Variants in ANGPT1 observed in about 807,000 individuals in gnomAD.
ANGPT1 encodes angiopoietin 1.
ANGPT1 carries 17 observed loss-of-function variants against 62.2 expected under a neutral mutation model. The ratio of observed to expected loss-of-function variants is 0.27; its 90% CI spans 0.19 to 0.41. The LOEUF (loss-of-function observed/expected upper bound fraction) is 0.41, where lower values mean the gene tolerates loss of function less well. Ranked by LOEUF, ANGPT1 falls within the 10% of genes least tolerant of loss-of-function variation. ANGPT1 has a pLI of 1.00. For synonymous variants in ANGPT1, 199 were observed against 198.9 expected (o/e 1.00, Z 0.00); for missense variants, 478 against 594.9 (o/e 0.80, Z 2.04).
intron 1 of ANGPT1, among the ~76,000 whole-genome samples, chr8:107,492,729 G>A (rs562478794): frequency 3.3e-5 from 5 of 150,154 alleles, no homozygotes; most frequent in Non-Finnish European, 5.9e-5. Context: ...AGCCACCACC[G>A]GCCACCAAAA....
chr8:107,367,517 C>T (rs1816301387), intron 1 of ANGPT1, among the ~76,000 whole-genome samples: 1 of 152,010 alleles, frequency 6.6e-6, no homozygotes. Context: ...TTGACTGTTC[C>T]TTTCACTAAA....
chr8:107,396,157 C>T (rs956596346), intron 1 of ANGPT1, among the ~76,000 whole-genome samples: 4 of 152,162 alleles, frequency 2.6e-5, no homozygotes, highest in Non-Finnish European at 4.4e-5. Context: ...CAACTAGTAG[C>T]TAAGGCTCTT....
intron 1 of ANGPT1, among the ~76,000 whole-genome samples, chr8:107,412,670 T>G (rs1447422491): frequency 6.6e-6 from 1 of 152,116 alleles, no homozygotes; most frequent in African/African-American, 2.4e-5. Flanking sequence ...ATGAGCAAGA[T>G]GAATACATCC....
chr8:107,316,139 T>C (rs1815008435), intron 4 of ANGPT1, among the ~76,000 whole-genome samples: 2 of 152,200 alleles, frequency 1.3e-5, no homozygotes, highest in African/African-American at 4.8e-5. Flanking sequence ...TAGGAAGTCA[T>C]TATTTCTTGC....
At chr8:107,327,162 C>G (rs1395701549) in intron 3 of ANGPT1, among the ~76,000 whole-genome samples, 1 of 152,084 alleles carries the variant, frequency 6.6e-6, no homozygotes, top group Admixed American at 6.6e-5. Flanking sequence ...CTAGAATTTT[C>G]TTAAATACTA....
intron 1 of ANGPT1, among the ~76,000 whole-genome samples, chr8:107,452,291 A>T (rs1811797766): frequency 6.6e-6 from 1 of 151,680 alleles, no homozygotes; most frequent in Non-Finnish European, 1.5e-5. Context: ...CATATCCTTT[A>T]TAATTAGGAT....
chr8:107,264,330 A>G lies in ANGPT1; in HGVS notation c.1227T>C (p.Thr409=). Residue 409 remains threonine, a synonymous_variant, in exon 8 of 9, where the codon ACT becomes ACC. Transcript: ENST00000517746. ...QNYRLYLKGH[T]GTAGKQSSLI... ...GGCTGCTCTGTTTTCCTGCTGTCCC[A>G]GTGTGACCTTTTAAATACAACCTGA... 1 of 1,613,872 alleles carries G rather than the reference A, an allele frequency of 6.2e-7. No individual in the cohort carries two copies. The highest frequency in any genetic ancestry group is 8.5e-7 in the Non-Finnish European group (1 of 1,179,860).
intron 6 of ANGPT1, among the ~76,000 whole-genome samples, chr8:107,289,886 T>G (rs915516913): frequency 1.4e-4 from 22 of 152,146 alleles, no homozygotes; most frequent in Non-Finnish European, 2.5e-4. Flanking sequence ...GCGTTTTATA[T>G]GTGAAAGTAC....
intron 4 of ANGPT1, among the ~76,000 whole-genome samples, chr8:107,315,540 C>A (rs1343267846): frequency 1.3e-5 from 2 of 152,074 alleles, no homozygotes; most frequent in Non-Finnish European, 2.9e-5. Flanking sequence ...TGCTTACTTG[C>A]CACTGAAAAG....
At chr8:107,418,581 G>A (rs1328061160) in intron 1 of ANGPT1, among the ~76,000 whole-genome samples, 1 of 152,148 alleles carries the variant, frequency 6.6e-6, no homozygotes, top group African/African-American at 2.4e-5. Flanking sequence ...TGCAATATTT[G>A]CTGATATATG....
chr8:107,280,105 T>C (rs564816403), intron 7 of ANGPT1, among the ~76,000 whole-genome samples: 4 of 152,122 alleles, frequency 2.6e-5, no homozygotes, highest in African/African-American at 4.8e-5. Flanking sequence ...TTGCCCCAAA[T>C]TGGGGCAAGA....
At chr8:107,461,898 AT>A (rs1353944646) in intron 1 of ANGPT1, among the ~76,000 whole-genome samples, 5 of 152,188 alleles carry the variant, frequency 3.3e-5, no homozygotes, top group African/African-American at 4.8e-5. Flanking sequence ...TATTATTATC[AT>A]TATTTCTTAT....
chr8:107,373,460 GCA>G (rs1224786015), intron 1 of ANGPT1, among the ~76,000 whole-genome samples: 1 of 152,178 alleles, frequency 6.6e-6, no homozygotes, highest in Non-Finnish European at 1.5e-5. Context: ...AAACTGGATA[GCA>G]AATGCAGTGC....
At chr8:107,334,284 A>T (rs1815508056) in intron 3 of ANGPT1, among the ~76,000 whole-genome samples, 2 of 152,210 alleles carry the variant, frequency 1.3e-5, no homozygotes, top group East Asian at 3.8e-4. Flanking sequence ...ATCAGGTGGT[A>T]ACATAACTAC....
chr8:107,346,275 A>C (rs557698834), intron 2 of ANGPT1, among the ~76,000 whole-genome samples: 1 of 152,312 alleles, frequency 6.6e-6, no homozygotes, highest in South Asian at 2.1e-4. Flanking sequence ...TGGTAACTGG[A>C]ATAATGATTT....
At chr8:107,450,227 A>G (rs1811732133) in intron 1 of ANGPT1, among the ~76,000 whole-genome samples, 1 of 152,078 alleles carries the variant, frequency 6.6e-6, no homozygotes, top group South Asian at 2.1e-4. Context: ...AGCCATTGTC[A>G]TAGATAAACT....
chr8:107,270,677 A>T (rs1032390985), intron 7 of ANGPT1, among the ~76,000 whole-genome samples: 10 of 152,082 alleles, frequency 6.6e-5, no homozygotes, highest in Non-Finnish European at 1.2e-4. Flanking sequence ...TATTGTCCAT[A>T]CATGAACAGA....
At chr8:107,375,884 C>T (rs1306535879) in intron 1 of ANGPT1, among the ~76,000 whole-genome samples, 1 of 152,124 alleles carries the variant, frequency 6.6e-6, no homozygotes, top group African/African-American at 2.4e-5. Flanking sequence ...AGCAGCTTGC[C>T]CCTGTCTTCC....
At chr8:107,283,474 T>C (rs1408782302) in intron 7 of ANGPT1, among the ~76,000 whole-genome samples, 1 of 151,862 alleles carries the variant, frequency 6.6e-6, no homozygotes, top group Non-Finnish European at 1.5e-5. Context: ...ACATAATCCA[T>C]TAAAATGAAA....
Sources: allele counts gnomAD v4.1 joint callset (sites outside exome capture counted in the v4.1 genomes callset), GRCh38; gene constraint gnomAD v4.1.1; transcripts MANE v1.5; gene names NCBI Gene and HGNC (gene_info 2026-07-23, HGNC 2026-07-21).